The following ALAS2 variants were observed in gnomAD, a reference collection of about 807,000 sequenced individuals.
ALAS2 encodes the protein 5'-aminolevulinate synthase 2, also known as 5-aminolevulinate synthase, erythroid-specific, mitochondrial.
Under a neutral mutation model 33.7 loss-of-function variants are expected in ALAS2, and 3 were observed. The observed-to-expected ratio is 0.09, with a 90% confidence interval of 0.04 to 0.23. The LOEUF is 0.23. Ranked by LOEUF, ALAS2 falls within the 10% of genes least tolerant of loss-of-function variation. The probability of loss-of-function intolerance (pLI) is 1.00; values close to 1 mark genes in which losing one functional copy is unlikely to be tolerated. For synonymous variants in ALAS2, 191 were observed against 177.3 expected, an observed-to-expected ratio of 1.08 and a Z score of -0.61; for missense variants, 304 against 475.1, an observed-to-expected ratio of 0.64 and a Z score of 3.35.
In ALAS2 at chrX:55,020,588, G is replaced by T. The variant is rs991790646; in HGVS notation, c.639-84C>A. The T allele has an allele frequency of 3.3e-6, 3 of 920,485 alleles. No individual in the cohort carries two copies. The African/African-American group carries it at 5.9e-5, about 18-fold the overall frequency. 75.9% of individuals were successfully genotyped at this position (920,485 alleles called of 1,213,427 possible). A position where few individuals can be genotyped will look rare whatever the true frequency, so the allele number is the denominator to read the frequency against. ...ACTGGGTAGGTTTCTCTTCCTTGAT[G>T]GGAGTCAATGTTGAGTTAGTGATCC... On this transcript the variant is annotated intron_variant, in intron 5 of 10. Transcript: ENST00000650242.
chrX:55,013,944 T>A (rs1473048544), intron 9 of ALAS2, among the ~76,000 whole-genome samples: 1 of 110,853 alleles, frequency 9.0e-6, no homozygotes, highest in Non-Finnish European at 1.9e-5. Context: ...GGGATGGTTC[T>A]GGGTGAGAAG....
At chrX:55,019,868 G>A (rs1935770043) in intron 6 of ALAS2, among the ~76,000 whole-genome samples, 1 of 111,784 alleles carries the variant, frequency 8.9e-6, no homozygotes, top group Non-Finnish European at 1.9e-5. Context: ...AATTAGATAA[G>A]TTCGTAGGTT....
chrX:55,013,754 T>G, intron 9 of ALAS2, 106 bp from the exon 10 acceptor site: 1 of 1,001,010 alleles, frequency 1.0e-6, no homozygotes, highest in Non-Finnish European at 1.4e-6. Flanking sequence ...CACTGAATTT[T>G]GGGATAGATT....
chrX:55,023,006 A>G (rs950472029), intron 4 of ALAS2, among the ~76,000 whole-genome samples: 1 of 111,935 alleles, frequency 8.9e-6, no homozygotes, highest in African/African-American at 3.2e-5. Context: ...CCAACCTACA[A>G]TCTAAACTGA....
intron 6 of ALAS2, among the ~76,000 whole-genome samples, chrX:55,017,899 C>T (rs1010259968): frequency 8.9e-6 from 1 of 112,049 alleles, no homozygotes; most frequent in Non-Finnish European, 1.9e-5. Flanking sequence ...CCTGGTCTAG[C>T]CTCTGACTGC....
chrX:55,013,958 C>A (rs779721587), intron 9 of ALAS2, among the ~76,000 whole-genome samples: 7 of 110,322 alleles, frequency 6.3e-5, no homozygotes, highest in Non-Finnish European at 1.1e-4. Flanking sequence ...TGAGAAGATA[C>A]CCCCCACCAA....
At chrX:55,028,885 A>G (rs1246000183) in intron 1 of ALAS2, among the ~76,000 whole-genome samples, 1 of 111,572 alleles carries the variant, frequency 9.0e-6, no homozygotes, top group Non-Finnish European at 1.9e-5. Context: ...TTGGGTTTGA[A>G]TCCTGGCTCC....
intron 4 of ALAS2, 32 bp downstream of exon 4, chrX:55,023,725 G>A (rs1186979040): frequency 3.0e-5 from 34 of 1,130,919 alleles, no homozygotes; most frequent in South Asian, 5.6e-5. Flanking sequence ...TCCCTATTCC[G>A]GTCCCCTTTT....
In ALAS2 at chrX:55,024,917, A is replaced by T. The variant is rs149444964; in HGVS notation, c.182-77T>A. ...GCTCAACAATAATTGCTGAGATCTA[A>T]TGTACCCCTAAAGCCCTATCTCAGG... On this transcript the variant is annotated intron_variant, in intron 2 of 10. Transcript: ENST00000650242. The T allele has an allele frequency of 1.5e-3, 1,721 of 1,139,530 alleles. 16 individuals are homozygous for T. In the African/African-American group the frequency reaches 0.025, roughly 17 times the overall value. The allele number at this position is 1,139,530 out of a possible 1,213,427, so 93.9% of individuals were successfully genotyped here. A position where few individuals can be genotyped will look rare whatever the true frequency, so the allele number is the denominator to read the frequency against.
intron 7 of ALAS2, among the ~76,000 whole-genome samples, chrX:55,016,299 T>C (rs1189153822): frequency 9.0e-6 from 1 of 111,255 alleles, no homozygotes. Context: ...GTGGTAGAAA[T>C]ATACAAAAGG....
intron 10 of ALAS2, 127 bp downstream of exon 10, chrX:55,013,359 T>C: frequency 1.3e-6 from 1 of 742,794 alleles, no homozygotes; most frequent in South Asian, 2.8e-5. Flanking sequence ...CTAGTATAGG[T>C]GCTGGCACAC....
chrX:55,024,613 T>A, intron 3 of ALAS2, 105 bp downstream of exon 3: 1 of 1,077,988 alleles, frequency 9.3e-7, no homozygotes, highest in South Asian at 1.9e-5. Context: ...CTTCTCATCA[T>A]GGGATGTGTA....
rs1935675910 is a variant in ALAS2, at chrX:55,015,026, A to AAAGGAATAAGATATACAAGATCC, written c.1169-12_1169-11insGGATCTTGTATATCTTATTCCTT. The AAAGGAATAAGATATACAAGATCC allele has an allele frequency of 8.3e-7, 1 of 1,206,801 alleles. No homozygotes were observed. Among genetic ancestry groups the AAAGGAATAAGATATACAAGATCC allele is most frequent in the East Asian group, 3.0e-5 (1 of 33,718 alleles). ...AGCCAAAGGCCTTGCCTGGAGACAG[A>AAAGGAATAAGATATACAAGATCC]AAGGAATAAGATATACACAGATCCC... On this transcript the variant is annotated splice_polypyrimidine_tract_variant and intron_variant, in intron 8 of 10. Transcript: ENST00000650242.
intron 10 of ALAS2, among the ~76,000 whole-genome samples, chrX:55,011,362 A>C (rs768947093): frequency 1.8e-5 from 2 of 112,034 alleles, no homozygotes; most frequent in Non-Finnish European, 3.8e-5. Flanking sequence ...AAAAAACATA[A>C]AATTCTAATA....
intron 6 of ALAS2, 113 bp from the exon 7 acceptor site, chrX:55,017,778 G>C (rs1465508308): frequency 3.8e-6 from 3 of 792,083 alleles, no homozygotes; most frequent in Non-Finnish European, 5.7e-6. Flanking sequence ...TGAAGACCTT[G>C]CTCTGCTTCT....
At chrX:55,025,147 G>A (rs1169904715) in intron 2 of ALAS2, among the ~76,000 whole-genome samples, 1 of 111,290 alleles carries the variant, frequency 9.0e-6, no homozygotes, top group Non-Finnish European at 1.9e-5. Flanking sequence ...CTTTGCAGAG[G>A]AGATGATGGC....
intron 3 of ALAS2, 88 bp from the exon 4 acceptor site, chrX:55,023,955 A>C: frequency 1.3e-6 from 1 of 772,545 alleles, no homozygotes; most frequent in Non-Finnish European, 1.9e-6. Context: ...AATGCAACAC[A>C]TGAAAATTCA....
intron 6 of ALAS2, among the ~76,000 whole-genome samples, chrX:55,019,160 T>G (rs1229246734): frequency 9.0e-6 from 1 of 111,112 alleles, no homozygotes; most frequent in Non-Finnish European, 1.9e-5. Context: ...AGGCAATGTT[T>G]TTTTATAAGA....
rs906019041 is a variant in ALAS2, at chrX:55,017,418, C to G, written c.1003+68G>C. 21 of 982,575 alleles carry G rather than the reference C, an allele frequency of 2.1e-5. No individual in the cohort carries two copies. The East Asian group carries it at 3.7e-4, about 17-fold the overall frequency. The allele number at this position is 982,575 out of a possible 1,213,427, so 81.0% of individuals were successfully genotyped here. A position where few individuals can be genotyped will look rare whatever the true frequency, so the allele number is the denominator to read the frequency against. On this transcript the variant is annotated intron_variant, in intron 7 of 10. Transcript: ENST00000650242. The stretch of plus-strand genomic sequence containing the variant: ...GCTGTTATAATGTTATCGTCATCAT[C>G]ATCATCATGATCATCATGGTTTTTG...
Sources: allele counts gnomAD v4.1 joint callset (sites outside exome capture counted in the v4.1 genomes callset), GRCh38; gene constraint gnomAD v4.1.1; transcripts MANE v1.5; gene names NCBI Gene and HGNC (gene_info 2026-07-23, HGNC 2026-07-21).